The following ANO4 variants were observed in gnomAD, a reference collection of about 807,000 sequenced individuals.
ANO4 encodes the protein anoctamin-4.
Under a neutral mutation model 141.9 loss-of-function variants are expected in ANO4, and 69 were observed. The observed-to-expected ratio is 0.49, with a 90% CI of 0.40 to 0.59. The LOEUF (loss-of-function observed/expected upper bound fraction) is 0.59. Among genes scored for constraint, ANO4 ranks in the 20% least tolerant of loss-of-function variants. ANO4 has a pLI of 0.00. For synonymous variants in ANO4, 350 were observed against 394.3 expected, an observed-to-expected ratio of 0.89 and a Z score of 1.33; for missense variants, 894 against 1,162.2, an observed-to-expected ratio of 0.77 and a Z score of 3.36.
At chr12:100,944,374 T>TAA (rs71437002) in intron 5 of ANO4, among the ~76,000 whole-genome samples, 3 of 151,092 alleles carry the variant, frequency 2.0e-5, no homozygotes, top group Non-Finnish European at 4.4e-5. Flanking sequence ...TGTTGGAATT[T>TAA]AAAAAAAAAA....
At chr12:100,835,902 A>G (rs1352949108) in intron 1 of ANO4, among the ~76,000 whole-genome samples, 1 of 152,142 alleles carries the variant, frequency 6.6e-6, no homozygotes, top group East Asian at 1.9e-4. Flanking sequence ...CCAAGCACTT[A>G]CATTATTTAA....
At position 101,083,800 on chromosome 12, in the gene ANO4, A is replaced by C; in HGVS notation, c.1518A>C (p.Ala506=). 6.4e-7 allele frequency: 1 copy of C among 1,567,196 alleles called. No individual in the cohort carries two copies. The highest frequency in any genetic ancestry group is 8.6e-7 in the Non-Finnish European group (1 of 1,167,046). ...AATGCAGCAGACTTATCGTTTCTGC[A>C]TCTGGAATATTTTTTATGGTTTGAA... The part of the protein sequence containing the change: ...TDKCSRLIVS[A]SGIFFMICVV... The change falls in exon 16 of 28, where the codon GCA becomes GCC. Residue 506 remains alanine (A), a synonymous_variant. Coordinates refer to ENST00000392977, the MANE Select transcript of ANO4 (RefSeq NM_001286615.2).
intron 1 of ANO4, among the ~76,000 whole-genome samples, chr12:100,825,570 A>G (rs1465800916): frequency 6.6e-6 from 1 of 152,050 alleles, no homozygotes; most frequent in East Asian, 1.9e-4. Flanking sequence ...ATAAGACATA[A>G]CTGATTCTGT....
intron 14 of ANO4, among the ~76,000 whole-genome samples, chr12:101,075,742 T>C (rs1359279828): frequency 9.5e-5 from 14 of 146,862 alleles, no homozygotes. Flanking sequence ...TATATATATA[T>C]ATAACAAAAA....
chr12:101,105,425 TTAAAA>T (rs1401679579), intron 22 of ANO4, among the ~76,000 whole-genome samples: 1 of 152,232 alleles, frequency 6.6e-6, no homozygotes, highest in Non-Finnish European at 1.5e-5. Context: ...TTACAGCCAT[TTAAAA>T]TATAGCCATT....
At chr12:101,063,386 A>G (rs913327049) in intron 14 of ANO4, among the ~76,000 whole-genome samples, 3 of 152,252 alleles carry the variant, frequency 2.0e-5, no homozygotes, top group African/African-American at 7.2e-5. Context: ...TTGATTCATT[A>G]TGAAATAATA....
intron 1 of ANO4, among the ~76,000 whole-genome samples, chr12:100,874,131 T>C (rs953324402): frequency 6.6e-6 from 1 of 152,194 alleles, no homozygotes; most frequent in African/African-American, 2.4e-5. Flanking sequence ...AGAGGATGTA[T>C]GGAAATGGCT....
chr12:100,830,887 TA>T (rs543231040), intron 1 of ANO4, among the ~76,000 whole-genome samples: 242 of 152,256 alleles, frequency 1.6e-3, no homozygotes, highest in African/African-American at 5.4e-3. Context: ...TTTTTTAAGT[TA>T]TTTTTTTCAC....
chr12:101,120,774 TTTTTC>T (rs1280943006), intron 26 of ANO4, 149 bp downstream of exon 26: 1 of 638,642 alleles, frequency 1.6e-6, no homozygotes, highest in Non-Finnish European at 2.6e-6. Context: ...TTTTTGATCT[TTTTTC>T]TTAATTGAAG....
At position 100,950,032 on chromosome 12, in the gene ANO4, A is replaced by G. The variant is rs574261211; in HGVS notation, c.456+7497A>G. ...CCCAAATTACCCTAATTTCATCCCC[A>G]TTTATATACTGCAGCCACATCCAGC... On this transcript the variant is annotated intron_variant, in intron 5 of 27. Coordinates refer to ENST00000392977, the MANE Select transcript of ANO4 (RefSeq NM_001286615.2). Among the ~76,000 whole-genome samples the G allele has an allele frequency of 6.8e-4, 103 of 152,184 alleles. 1 individual carries two copies. The highest frequency in any genetic ancestry group is 2.4e-3 in the African/African-American group (99 of 41,526).
intron 3 of ANO4, among the ~76,000 whole-genome samples, chr12:100,753,040 C>T (rs1253773505): frequency 6.6e-6 from 1 of 152,136 alleles, no homozygotes; most frequent in African/African-American, 2.4e-5. Context: ...CTCCATAAGT[C>T]TCTCCTCTTC....
intron 3 of ANO4, among the ~76,000 whole-genome samples, chr12:100,750,558 C>G (rs982626361): frequency 6.6e-5 from 10 of 152,088 alleles, no homozygotes; most frequent in African/African-American, 2.4e-5. Context: ...AATTTGTGGT[C>G]ACTAACAGGC....
intron 1 of ANO4, among the ~76,000 whole-genome samples, chr12:100,865,493 C>T (rs2090170): frequency 0.19 from 29,609 of 151,890 alleles, 3,203 homozygotes; most frequent in Middle Eastern, 0.29. Context: ...AAAAAGTGGG[C>T]GAAGGATATG....
At chr12:100,738,530 A>G (rs1382525639) in intron 2 of ANO4, among the ~76,000 whole-genome samples, 1 of 152,192 alleles carries the variant, frequency 6.6e-6, no homozygotes, top group African/African-American at 2.4e-5. Flanking sequence ...AAAATTAAAT[A>G]TATGCTATAA....
intron 1 of ANO4, among the ~76,000 whole-genome samples, chr12:100,833,098 A>G (rs1043983716): frequency 2.0e-5 from 3 of 152,158 alleles, no homozygotes; most frequent in Admixed American, 2.0e-4. Flanking sequence ...TCCATATGGA[A>G]GGGACTGGGG....
In ANO4 at chr12:101,110,519, G is replaced by A; in HGVS notation, c.2265G>A (p.Gln755=). ...IRLDAYKFVT[Q]WRRPLASRAK... ...TTGATGCTTACAAATTTGTCACACA[G>A]TGGAGGAGACCTTTAGCTTCAAGGG... The change falls in exon 23 of 28, where the codon CAG becomes CAA. Residue 755 remains glutamine, a synonymous_variant. Transcript: ENST00000392977. 5.0e-6 allele frequency: 8 copies of A among 1,607,884 alleles called. No individual in the cohort carries two copies. In the South Asian group the frequency reaches 7.8e-5, roughly 16 times the overall value.
chr12:101,121,203 T>C (rs1220923467), intron 26 of ANO4, among the ~76,000 whole-genome samples: 1 of 152,152 alleles, frequency 6.6e-6, no homozygotes. Context: ...CAATAGGTAG[T>C]TATTCAGCCC....
At chr12:100,903,987 C>T (rs560193996) in intron 2 of ANO4, among the ~76,000 whole-genome samples, 1 of 152,308 alleles carries the variant, frequency 6.6e-6, no homozygotes, top group African/African-American at 2.4e-5. Flanking sequence ...TTTGCTCCTG[C>T]TGTTCTTTCT....
Position 101,083,695 on chromosome 12 carries a change from G to T in ANO4, c.1413G>T (p.Gln471His). 1 of 1,608,426 alleles carries T rather than the reference G, an allele frequency of 6.2e-7. No individual in the cohort carries two copies. The highest frequency in any genetic ancestry group is 8.5e-7 in the Non-Finnish European group (1 of 1,178,740). The change falls in exon 16 of 28, where the codon CAG becomes CAT. Residue 471 changes from glutamine to histidine, a missense_variant. Transcript: ENST00000392977. ...WEEEEEEIRPQFEAKYSKKER... is the reference protein window; with the variant it reads ...WEEEEEEIRPHFEAKYSKKER... ...TCCTTTAGGAAGAAATACGACCCCA[G>T]TTTGAAGCCAAGTATTCCAAGAAAG...
Sources: gnomAD v4.1 joint callset for allele counts (sites outside exome capture counted in the v4.1 genomes callset) on GRCh38, gnomAD v4.1.1 for gene constraint, MANE v1.5 for transcripts, NCBI Gene and HGNC (gene_info 2026-07-23, HGNC 2026-07-21) for gene names.